CYFIP1: variants seen among roughly 807,000 people sequenced by gnomAD.
CYFIP1 encodes the protein cytoplasmic FMR1-interacting protein 1.
A neutral mutation model predicts 163.5 loss-of-function variants in CYFIP1; 58 were observed. The ratio of observed to expected loss-of-function variants is 0.35; its 90% CI spans 0.29 to 0.44. The LOEUF is 0.44. CYFIP1 is among the 20% of genes least tolerant of loss of function. The probability of loss-of-function intolerance (pLI) is 1.00; values close to 1 mark genes in which losing one functional copy is unlikely to be tolerated. For synonymous variants in CYFIP1, 663 were observed against 660.7 expected (o/e 1.00, Z -0.05); for missense variants, 1,338 against 1,653.8 (o/e 0.81, Z 3.31).
At chr15:22,925,530 C>T (rs372384762) in intron 13 of CYFIP1, among the ~76,000 whole-genome samples, 10 of 152,252 alleles carry the variant, frequency 6.6e-5, no homozygotes, top group East Asian at 1.9e-4. Context: ...AATACCTTCA[C>T]GACCTGAGAG....
At chr15:22,881,706 C>T in intron 25 of CYFIP1, 140 bp downstream of exon 25, 1 of 773,114 alleles carries the variant, frequency 1.3e-6, no homozygotes, top group Non-Finnish European at 2.1e-6. Flanking sequence ...CAACACACCT[C>T]TTCCTGGTTG....
At chr15:22,921,402 A>G (rs938269989) in intron 13 of CYFIP1, among the ~76,000 whole-genome samples, 1 of 145,876 alleles carries the variant, frequency 6.9e-6, no homozygotes, top group Non-Finnish European at 1.5e-5. Flanking sequence ...ATAAATAAAT[A>G]AATGTAACAA....
At chr15:22,968,737 T>A (rs1221789780) in intron 1 of CYFIP1, among the ~76,000 whole-genome samples, 1 of 152,208 alleles carries the variant, frequency 6.6e-6, no homozygotes, top group Non-Finnish European at 1.5e-5. Context: ...GTGAAGTTTT[T>A]GTTCATATGC....
intron 1 of CYFIP1, among the ~76,000 whole-genome samples, chr15:22,952,267 T>A (rs1464143809): frequency 6.6e-6 from 1 of 152,076 alleles, no homozygotes; most frequent in Non-Finnish European, 1.5e-5. Flanking sequence ...ATACAGAGTT[T>A]CGGCTTGGAA....
intron 1 of CYFIP1, among the ~76,000 whole-genome samples, chr15:22,972,587 C>A (rs550704306): frequency 2.0e-5 from 3 of 152,188 alleles, no homozygotes; most frequent in South Asian, 4.2e-4. Flanking sequence ...AACAAAGGTG[C>A]CAAGAACACA....
intron 22 of CYFIP1, among the ~76,000 whole-genome samples, chr15:22,895,188 G>C (rs868755525): frequency 3.0e-4 from 46 of 152,160 alleles, no homozygotes; most frequent in African/African-American, 9.9e-4. Flanking sequence ...CTAACTTTTT[G>C]TATTTTTAGT....
intron 26 of CYFIP1, among the ~76,000 whole-genome samples, chr15:22,878,114 G>A (rs2059636144): frequency 6.6e-6 from 1 of 152,194 alleles, no homozygotes; most frequent in African/African-American, 2.4e-5. Flanking sequence ...ACATAGGAAA[G>A]GCCTCCCCAG....
rs754764862 is a variant in CYFIP1 at position 22,870,092 on chromosome 15, C to T, written c.3698G>A (p.Gly1233Asp). 21 of 1,612,508 alleles carry T rather than the reference C, an allele frequency of 1.3e-5. No homozygotes were observed. The East Asian group carries it at 4.2e-4, about 33-fold the overall frequency. ...DKYLKSGDGE[G>D]TPVEHVRCFQ... ...GCAGCGCACATGCTCCACTGGCGTG[C>T]CCTCCCCGTCGCCTGACTTCAGGTA... is the stretch of plus-strand genomic sequence containing the variant. The change falls in exon 31 of 31, where the codon GGC becomes GAC. Residue 1233 changes from glycine to aspartate, a missense_variant. By Grantham distance (94) the Gly-to-Asp change is moderately conservative. This residue lies in a region of CYFIP1 where 306 missense variants were observed against 322.1 expected (regional missense o/e 0.95). Transcript: ENST00000617928.
intron 13 of CYFIP1, among the ~76,000 whole-genome samples, chr15:22,921,250 C>T (rs2061166371): frequency 6.6e-6 from 1 of 151,910 alleles, no homozygotes; most frequent in African/African-American, 2.4e-5. Context: ...CACCTGTAGT[C>T]CCAGCTACTT....
chr15:22,968,204 G>T (rs778890204), intron 1 of CYFIP1, among the ~76,000 whole-genome samples: 8 of 152,126 alleles, frequency 5.3e-5, no homozygotes, highest in Non-Finnish European at 8.8e-5. Flanking sequence ...CAATCCCTGT[G>T]ATGGTTGCTT....
chr15:22,890,454 C>A (rs966251600), intron 23 of CYFIP1, among the ~76,000 whole-genome samples: 1 of 152,198 alleles, frequency 6.6e-6, no homozygotes, highest in Non-Finnish European at 1.5e-5. Flanking sequence ...CTGTGGCGCA[C>A]CCCTGCCCAG....
At chr15:22,967,581 C>T (rs12441061) in intron 1 of CYFIP1, among the ~76,000 whole-genome samples, 70,088 of 151,816 alleles carry the variant, frequency 0.46, 16,493 homozygotes, top group Non-Finnish European at 0.49. Context: ...GCAGCTACAA[C>T]ATAGCACCCC....
chr15:22,911,681 G>A (rs2060793067), intron 18 of CYFIP1, among the ~76,000 whole-genome samples: 1 of 152,218 alleles, frequency 6.6e-6, no homozygotes. Context: ...CCGGGGACCT[G>A]TGACATCTCC....
intron 11 of CYFIP1, among the ~76,000 whole-genome samples, chr15:22,930,410 A>AC (rs2061503325): frequency 6.7e-6 from 1 of 148,242 alleles, no homozygotes; most frequent in Non-Finnish European, 1.5e-5. Context: ...AAAAAAAAAA[A>AC]AACTGTACTC....
At chr15:22,903,630 G>T in intron 22 of CYFIP1, 76 bp downstream of exon 22, 1 of 1,469,442 alleles carries the variant, frequency 6.8e-7, no homozygotes, top group Non-Finnish European at 9.5e-7. Context: ...GGGACCTGGT[G>T]ACATGGAGGA....
Position 22,917,867 on chromosome 15 carries a change from G to A in CYFIP1, c.1595C>T (p.Ala532Val). 1 of 1,613,884 alleles carries A rather than the reference G, an allele frequency of 6.2e-7. No homozygotes were observed. Among genetic ancestry groups the A allele is most frequent in the South Asian group, 1.1e-5 (1 of 91,060 alleles). The change falls in exon 15 of 31, where the codon GCC becomes GTC. Residue 532 changes from alanine to valine, a missense_variant. By Grantham distance (64) the Ala-to-Val change is moderately conservative (BLOSUM62 0). Coordinates refer to ENST00000617928, the MANE Select transcript of CYFIP1 (RefSeq NM_014608.6). The surrounding 1 kb of genome is among the most constrained non-coding windows in gnomAD (Gnocchi z 4.2). ...CTTGGGGTCCTTCTCGCCCCGCAAG[G>A]CTGGGTCATTGAAGGGCTCATGCCC... ...ETGHEPFNDP[A>V]LRGEKDPKSG...
Position 22,943,325 on chromosome 15 carries a change from T to G in CYFIP1, c.417A>C (p.Glu139Asp). The G allele has an allele frequency of 6.2e-7, 1 of 1,614,166 alleles. No individual in the cohort carries two copies. Among genetic ancestry groups the G allele is most frequent in the Non-Finnish European group, 8.5e-7 (1 of 1,180,032 alleles). ...QRNAIERFCGEVRRLCHAERR... is the reference protein window; with the variant it reads ...QRNAIERFCGDVRRLCHAERR... ...TCTCGGCATGGCACAGGCGCCTCAC[T>G]TCCCCGCAGAAACGCTCAATGGCAT... Residue 139 changes from glutamate to aspartate, a missense_variant, in exon 6 of 31, where the codon GAA becomes GAC. Physicochemically the swap from Glu to Asp is conservative, Grantham distance 45. This residue lies in a region of CYFIP1 where 186 missense variants were observed against 288.3 expected (regional missense o/e 0.65). Coordinates refer to ENST00000617928, the MANE Select transcript of CYFIP1 (RefSeq NM_014608.6).
At chr15:22,890,839 A>T (rs1474090096) in intron 23 of CYFIP1, among the ~76,000 whole-genome samples, 7 of 151,450 alleles carry the variant, frequency 4.6e-5, no homozygotes, top group African/African-American at 1.7e-4. Flanking sequence ...GGAGGGGCAC[A>T]GCGGAGGCCG....
At chr15:22,877,613 G>GA (rs1400968713) in intron 26 of CYFIP1, among the ~76,000 whole-genome samples, 1 of 151,578 alleles carries the variant, frequency 6.6e-6, no homozygotes, top group African/African-American at 2.4e-5. Flanking sequence ...CTTAGAGCAG[G>GA]GCCACCCTGG....
Sources: gnomAD v4.1 joint callset for allele counts (sites outside exome capture counted in the v4.1 genomes callset) on GRCh38, gnomAD v4.1.1 for gene constraint, gnomAD v4.1.1 regional missense constraint, Gnocchi (gnomAD v3.1) non-coding constraint, MANE v1.5 for transcripts, NCBI Gene and HGNC (gene_info 2026-07-23, HGNC 2026-07-21) for gene names.